The following CDCA7L variants were observed in gnomAD, a reference collection of about 807,000 sequenced individuals.
CDCA7L encodes cell division cycle-associated 7-like protein.
Under a neutral mutation model 57.4 loss-of-function variants are expected in CDCA7L, and 44 were observed. That is an observed-to-expected ratio of 0.77 (90% CI 0.60 to 0.98). CDCA7L has a LOEUF of 0.98. Ranked by LOEUF, CDCA7L falls within the 50% of genes least tolerant of loss-of-function variation. The probability of loss-of-function intolerance (pLI) is 0.00; values close to 1 mark genes in which losing one functional copy is unlikely to be tolerated. For missense variants in CDCA7L, 644 were observed against 580.6 expected, an observed-to-expected ratio of 1.11 and a Z score of -1.12; for synonymous variants, 236 against 202.8, an observed-to-expected ratio of 1.16 and a Z score of -1.39.
chr7:21,916,514 T>TAAAAAAAAAAAAAAAAA (rs71557529), intron 2 of CDCA7L, among the ~76,000 whole-genome samples: 1 of 105,150 alleles, frequency 9.5e-6, no homozygotes, highest in Non-Finnish European at 1.9e-5. Context: ...TCCCTTTATT[T>TAAAAAAAAAAAAAAAAA]AAAAAAAAAA....
chr7:21,902,416 G>C (rs1450697918), intron 9 of CDCA7L, 64 bp from the exon 10 acceptor site: 4 of 1,466,282 alleles, frequency 2.7e-6, no homozygotes, highest in Admixed American at 3.3e-5. Context: ...TTCTAGGCTT[G>C]AGAGATTCCA....
chr7:21,945,753 G>A (rs751439749), intron 1 of CDCA7L, 28 bp downstream of exon 1: 38 of 1,599,862 alleles, frequency 2.4e-5, no homozygotes, highest in Non-Finnish European at 2.6e-5. Flanking sequence ...GGGTGCGTCC[G>A]GACGGCGGCG....
chr7:21,923,764 G>C (rs772415033), intron 1 of CDCA7L, among the ~76,000 whole-genome samples: 21 of 152,170 alleles, frequency 1.4e-4, no homozygotes, highest in Non-Finnish European at 2.5e-4. Context: ...ATAGTCTGGA[G>C]GACAAAGCTG....
intron 1 of CDCA7L, among the ~76,000 whole-genome samples, chr7:21,944,191 C>T (rs937797448): frequency 1.3e-5 from 2 of 151,606 alleles, no homozygotes; most frequent in African/African-American, 4.9e-5. Context: ...GTAATCCCAG[C>T]ACTTTGGGAG....
At position 21,908,280 on chromosome 7, in the gene CDCA7L, T is replaced by A. The variant is rs528806227; in HGVS notation, c.531A>T (p.Lys177Asn). ...FSSARLQNEK[K>N]TILERKKDCR... ...AGTCTTTCTTTCTTTCAAGAATTGT[T>A]TTTTTCTCATTCTGTAAGCGTGCGC... The change falls in exon 4 of 10, where the codon AAA becomes AAT. Residue 177 changes from lysine (K) to asparagine (N), a missense_variant. Lys to Asn is a moderately conservative substitution (Grantham distance 94, BLOSUM62 0). Coordinates refer to ENST00000406877, the MANE Select transcript of CDCA7L (RefSeq NM_018719.5). 1 of 1,613,446 alleles carries A rather than the reference T, an allele frequency of 6.2e-7. No homozygotes were observed. Among genetic ancestry groups the A allele is most frequent in the South Asian group, 1.1e-5 (1 of 90,980 alleles).
Position 21,901,329 on chromosome 7 carries a change from T to A in CDCA7L, c.*993A>T. On this transcript the variant is annotated 3_prime_UTR_variant, in exon 10 of 10. Transcript: ENST00000406877. ...CTAGCATGTTGCTGCACTGTTCCCA[T>A]GCACATTATTCTAACTTTTTAGTAA... 4 of 1,432,748 alleles carry A rather than the reference T, an allele frequency of 2.8e-6. No homozygotes were observed. Among genetic ancestry groups the A allele is most frequent in the Non-Finnish European group, 3.7e-6 (4 of 1,084,104 alleles). 88.8% of individuals were successfully genotyped at this position (1,432,748 alleles called of 1,614,324 possible).
intron 9 of CDCA7L, chr7:21,902,661 C>A (rs1583835532): frequency 2.0e-6 from 1 of 495,728 alleles, no homozygotes; most frequent in Non-Finnish European, 3.6e-6. Flanking sequence ...ATGGCTGCCT[C>A]TTCATAATCT....
intron 3 of CDCA7L, among the ~76,000 whole-genome samples, chr7:21,910,273 G>C (rs1002527477): frequency 2.0e-5 from 3 of 152,198 alleles, no homozygotes; most frequent in Non-Finnish European, 4.4e-5. Flanking sequence ...CAAGAAGCTA[G>C]GGACTTGCTG....
chr7:21,911,471 AT>A, intron 3 of CDCA7L, 145 bp downstream of exon 3: 6 of 987,350 alleles, frequency 6.1e-6, no homozygotes, highest in Non-Finnish European at 8.6e-6. Flanking sequence ...TCCAGGAGCA[AT>A]TTTTTTAGGT....
chr7:21,904,075 A>G, intron 8 of CDCA7L, 35 bp downstream of exon 8: 2 of 1,536,266 alleles, frequency 1.3e-6, no homozygotes, highest in Non-Finnish European at 1.8e-6. Flanking sequence ...TCCTTCACCA[A>G]TACAATTTAC....
chr7:21,921,784 G>GA (rs1273815588), intron 1 of CDCA7L, among the ~76,000 whole-genome samples: 1 of 151,776 alleles, frequency 6.6e-6, no homozygotes, highest in Non-Finnish European at 1.5e-5. Context: ...AAAAAAAAGG[G>GA]AAAATTCTCA....
intron 2 of CDCA7L, among the ~76,000 whole-genome samples, chr7:21,916,419 C>T (rs1479915004): frequency 1.3e-5 from 2 of 151,682 alleles, no homozygotes; most frequent in African/African-American, 2.4e-5. Flanking sequence ...GCCGCAGCCT[C>T]GCCTCTGTGG....
intron 3 of CDCA7L, among the ~76,000 whole-genome samples, chr7:21,910,646 C>T (rs891481450): frequency 6.6e-6 from 1 of 152,222 alleles, no homozygotes; most frequent in South Asian, 2.1e-4. Context: ...CATTTCTGCA[C>T]TTAAATCCGA....
At chr7:21,902,823 CT>C in intron 9 of CDCA7L, 154 bp downstream of exon 9, 1 of 667,802 alleles carries the variant, frequency 1.5e-6, no homozygotes. Flanking sequence ...CAGGCCTGAG[CT>C]TTTCCAATGC....
rs57334490 is a variant in CDCA7L, at chr7:21,941,616, A to C, written c.24+4165T>G. On this transcript the variant is annotated intron_variant, in intron 1 of 9. Transcript: ENST00000406877. Reference sequence around the variant, plus strand: ...TCTGGTGAGTTCCTAAAAAAGAACCAGACTAGCTGCTGTTAACACTCCAGC... The same window carrying C: ...TCTGGTGAGTTCCTAAAAAAGAACCCGACTAGCTGCTGTTAACACTCCAGC... 4.4e-3 allele frequency among the ~76,000 whole-genome samples: 667 copies of C among 152,366 alleles called. 18 individuals carry two copies. The East Asian group carries it at 0.083, about 19-fold the overall frequency.
chr7:21,929,537 C>T (rs961256796), intron 1 of CDCA7L, among the ~76,000 whole-genome samples: 3 of 146,106 alleles, frequency 2.1e-5, no homozygotes, highest in African/African-American at 5.2e-5. Context: ...CAAGACCCAT[C>T]GGTGTGCTGT....
chr7:21,904,885 GGGGTGGCAGAGCCCCTGAA>G (rs1785088929), intron 7 of CDCA7L, among the ~76,000 whole-genome samples: 1 of 152,222 alleles, frequency 6.6e-6, no homozygotes, highest in Non-Finnish European at 1.5e-5. Context: ...GCTTGAGGCA[GGGGTGGCAGAGCCCCTGAA>G]AGGTGACAGG....
At chr7:21,917,773 A>C (rs1785530338) in intron 1 of CDCA7L, among the ~76,000 whole-genome samples, 1 of 152,216 alleles carries the variant, frequency 6.6e-6, no homozygotes, top group African/African-American at 2.4e-5. Context: ...CCACACATTG[A>C]TTAAAGTAAT....
intron 1 of CDCA7L, among the ~76,000 whole-genome samples, chr7:21,931,773 C>T (rs1384506775): frequency 3.9e-5 from 6 of 152,138 alleles, no homozygotes; most frequent in African/African-American, 1.4e-4. Context: ...TCTTCCTATC[C>T]GTGAGCATGG....
Sources: allele counts gnomAD v4.1 joint callset (sites outside exome capture counted in the v4.1 genomes callset), GRCh38; gene constraint gnomAD v4.1.1; transcripts MANE v1.5; gene names NCBI Gene and HGNC (gene_info 2026-07-23, HGNC 2026-07-21).